CDH8: variants seen among roughly 807,000 people sequenced by gnomAD.
CDH8 encodes cadherin 8, also known as cadherin-8.
In CDH8, 17 loss-of-function variants were observed where a neutral mutation model predicts 68.1. The ratio of observed to expected loss-of-function variants is 0.25; its 90% CI spans 0.17 to 0.37. The LOEUF (loss-of-function observed/expected upper bound fraction) is 0.37. Ranked by LOEUF, CDH8 falls within the 10% of genes least tolerant of loss-of-function variation. The pLI is 1.00. For missense variants in CDH8, 763 were observed against 999.3 expected (o/e 0.76, Z 3.19); for synonymous variants, 372 against 365.1 (o/e 1.02, Z -0.21).
intron 8 of CDH8, among the ~76,000 whole-genome samples, chr16:61,753,917 T>C (rs893407057): frequency 2.0e-5 from 3 of 152,092 alleles, no homozygotes. Context: ...CCAGGTCACA[T>C]TGGATATTAT....
chr16:61,658,278 A>G (rs1298589218), intron 10 of CDH8, among the ~76,000 whole-genome samples: 1 of 152,056 alleles, frequency 6.6e-6, no homozygotes, highest in African/African-American at 2.4e-5. Flanking sequence ...AATATCTTCT[A>G]CAAAGTTGTG....
intron 6 of CDH8, 130 bp downstream of exon 6, chr16:61,820,796 G>A (rs1962195908): frequency 1.5e-6 from 1 of 686,006 alleles, no homozygotes; most frequent in Non-Finnish European, 2.5e-6. Context: ...TAGTTATCTT[G>A]TCTTACTGCT....
intron 2 of CDH8, among the ~76,000 whole-genome samples, chr16:61,919,414 TG>T (rs1252774121): frequency 6.8e-6 from 1 of 146,502 alleles, no homozygotes; most frequent in Admixed American, 7.1e-5. Flanking sequence ...TTGGAAACTT[TG>T]AAAAAAATTT....
At chr16:61,770,600 C>A (rs1318811840) in intron 8 of CDH8, among the ~76,000 whole-genome samples, 1 of 151,928 alleles carries the variant, frequency 6.6e-6, no homozygotes, top group Non-Finnish European at 1.5e-5. Flanking sequence ...CCAAAACTTC[C>A]TGGATGGCTT....
chr16:61,753,528 CCA>C (rs1303734482), intron 8 of CDH8, among the ~76,000 whole-genome samples: 1 of 152,108 alleles, frequency 6.6e-6, no homozygotes, highest in Non-Finnish European at 1.5e-5. Flanking sequence ...GCATGAGCCA[CCA>C]CACACAGCTG....
chr16:62,020,368 CG>C (rs1902042024), intron 2 of CDH8, among the ~76,000 whole-genome samples: 1 of 152,078 alleles, frequency 6.6e-6, no homozygotes, highest in Non-Finnish European at 1.5e-5. Flanking sequence ...GGAATAAACA[CG>C]TGTAGTCTCC....
At chr16:61,946,775 T>C (rs923218981) in intron 2 of CDH8, among the ~76,000 whole-genome samples, 1 of 152,218 alleles carries the variant, frequency 6.6e-6, no homozygotes, top group Non-Finnish European at 1.5e-5. Context: ...ACAAAGCAAC[T>C]TGCCCAAGTA....
intron 8 of CDH8, among the ~76,000 whole-genome samples, chr16:61,729,754 A>C (rs1959482230): frequency 6.6e-6 from 1 of 151,434 alleles, no homozygotes; most frequent in African/African-American, 2.4e-5. Context: ...AGTGATTAGC[A>C]CAGGCTTAAT....
At chr16:61,871,173 T>C (rs562741827) in intron 3 of CDH8, among the ~76,000 whole-genome samples, 2 of 151,890 alleles carry the variant, frequency 1.3e-5, no homozygotes, top group South Asian at 2.1e-4. Context: ...CACACACTTA[T>C]ACAATAAGTA....
At chr16:61,896,241 T>A (rs115781307) in intron 3 of CDH8, among the ~76,000 whole-genome samples, 3,035 of 152,290 alleles carry the variant, frequency 0.02, 103 homozygotes, top group African/African-American at 0.07. Flanking sequence ...AAAAAAGAAC[T>A]GTGTCTCCAG....
chr16:61,984,823 G>T (rs1405367453), intron 2 of CDH8, among the ~76,000 whole-genome samples: 5 of 152,056 alleles, frequency 3.3e-5, no homozygotes, highest in Admixed American at 6.5e-5. Context: ...TATACTTAAG[G>T]CATGAACTTG....
intron 10 of CDH8, among the ~76,000 whole-genome samples, chr16:61,672,972 A>G (rs1009079701): frequency 5.3e-5 from 8 of 152,106 alleles, no homozygotes; most frequent in African/African-American, 1.7e-4. Flanking sequence ...GTGAACTTAC[A>G]TCTTTCTACA....
chr16:61,813,870 C>T (rs1351163143), intron 7 of CDH8, among the ~76,000 whole-genome samples: 1 of 152,072 alleles, frequency 6.6e-6, no homozygotes, highest in Admixed American at 6.5e-5. Context: ...ACCAAGCACT[C>T]ACTAGTAACA....
At chr16:61,842,165 C>T (rs563790202) in intron 4 of CDH8, among the ~76,000 whole-genome samples, 1 of 151,808 alleles carries the variant, frequency 6.6e-6, no homozygotes, top group South Asian at 2.1e-4. Flanking sequence ...CCTGGGCCTC[C>T]CAAAGTGCTG....
intron 3 of CDH8, among the ~76,000 whole-genome samples, chr16:61,865,598 G>A (rs1963238962): frequency 6.6e-6 from 1 of 152,124 alleles, no homozygotes; most frequent in South Asian, 2.1e-4. Flanking sequence ...TTTGCAAACA[G>A]ATAATGAGGG....
At chr16:61,696,104 C>A (rs1415967862) in intron 10 of CDH8, among the ~76,000 whole-genome samples, 1 of 152,196 alleles carries the variant, frequency 6.6e-6, no homozygotes, top group African/African-American at 2.4e-5. Context: ...CAATTCGTAA[C>A]TTTCTGAGAG....
chr16:61,947,360 G>A (rs1046533371), intron 2 of CDH8, among the ~76,000 whole-genome samples: 1 of 152,148 alleles, frequency 6.6e-6, no homozygotes, highest in African/African-American at 2.4e-5. Flanking sequence ...ACATATTTTT[G>A]TACCTATACC....
At chr16:61,686,932 A>T (rs78746206) in intron 10 of CDH8, among the ~76,000 whole-genome samples, 3,366 of 151,982 alleles carry the variant, frequency 0.022, 65 homozygotes, top group Non-Finnish European at 0.033. Flanking sequence ...TCATTACAGC[A>T]ACTAGATATT....
chr16:61,701,145 G>T (rs1964421443), intron 10 of CDH8, among the ~76,000 whole-genome samples: 1 of 152,168 alleles, frequency 6.6e-6, no homozygotes, highest in African/African-American at 2.4e-5. Flanking sequence ...CAGGCCACTG[G>T]GAGTGATCTA....
Sources: gnomAD v4.1 joint callset for allele counts (sites outside exome capture counted in the v4.1 genomes callset) on GRCh38, gnomAD v4.1.1 for gene constraint, MANE v1.5 for transcripts, NCBI Gene and HGNC (gene_info 2026-07-23, HGNC 2026-07-21) for gene names.